ARHGAP20: variants seen among roughly 807,000 people sequenced by gnomAD.
The protein encoded by ARHGAP20 is Rho GTPase activating protein 20.
ARHGAP20 carries 34 observed loss-of-function variants against 73.7 expected under a neutral mutation model. The observed-to-expected ratio is 0.46, with a 90% CI of 0.35 to 0.61. The LOEUF (loss-of-function observed/expected upper bound fraction) is 0.61, where lower values mean the gene tolerates loss of function less well. ARHGAP20 is among the 20% of genes least tolerant of loss of function. The pLI is 0.00. For missense variants in ARHGAP20, 1,314 were observed against 1,420.9 expected, an observed-to-expected ratio of 0.92 and a Z score of 1.21; for synonymous variants, 523 against 518.2, an observed-to-expected ratio of 1.01 and a Z score of -0.13.
intron 2 of ARHGAP20, among the ~76,000 whole-genome samples, chr11:110,648,728 C>A (rs1429617005): frequency 6.6e-6 from 1 of 152,074 alleles, no homozygotes; most frequent in Non-Finnish European, 1.5e-5. Flanking sequence ...AGAGATCCAC[C>A]TGCCTAGGCC....
chr11:110,601,953 C>T (rs1467373603), intron 9 of ARHGAP20, among the ~76,000 whole-genome samples: 1 of 151,058 alleles, frequency 6.6e-6, no homozygotes, highest in African/African-American at 2.4e-5. Context: ...TGTACTCCAG[C>T]CTGGGCGATA....
chr11:110,578,499 T>C lies in ARHGAP20; in HGVS notation c.*871A>G, dbSNP rs1296938361. On this transcript the variant is annotated 3_prime_UTR_variant, in exon 15 of 15. Coordinates refer to ENST00000683387, the MANE Select transcript of ARHGAP20 (RefSeq NM_001384657.1). ...CATTTGTGTAATTGAGAAAGGACAG[T>C]TGTTGTGGTCTTTTCCTCCATATTG... 2.0e-6 allele frequency: 2 copies of C among 985,314 alleles called. No homozygotes were observed. The highest frequency in any genetic ancestry group is 2.4e-6 in the Non-Finnish European group (2 of 829,938). The allele number at this position is 985,314 out of a possible 1,614,324, so 61.0% of individuals were successfully genotyped here.
At chr11:110,594,144 C>A (rs535580349) in intron 9 of ARHGAP20, among the ~76,000 whole-genome samples, 1 of 152,244 alleles carries the variant, frequency 6.6e-6, no homozygotes, top group South Asian at 2.1e-4. Context: ...ATTTAAAAAG[C>A]CAAGTTGTGG....
At chr11:110,664,727 C>CAA (rs34643863) in intron 2 of ARHGAP20, among the ~76,000 whole-genome samples, 30 of 88,222 alleles carry the variant, frequency 3.4e-4, no homozygotes, top group South Asian at 7.2e-4. Context: ...GACTCCGTCT[C>CAA]AAAAAAAAAA....
At chr11:110,712,088 C>A (rs755206335) in intron 1 of ARHGAP20, 39 bp downstream of exon 1, 18 of 1,264,722 alleles carry the variant, frequency 1.4e-5, no homozygotes, top group Non-Finnish European at 1.7e-5. Context: ...GTGGGGGCTG[C>A]GGCGGCGGAG....
At chr11:110,667,574 C>G (rs1200578306) in intron 2 of ARHGAP20, among the ~76,000 whole-genome samples, 1 of 152,140 alleles carries the variant, frequency 6.6e-6, no homozygotes, top group Non-Finnish European at 1.5e-5. Context: ...AAAATATCCA[C>G]TCTGGCAGTG....
At position 110,620,459 on chromosome 11, in the gene ARHGAP20, A is replaced by G. The variant is rs1048098241; in HGVS notation, c.503+3703T>C. On this transcript the variant is annotated intron_variant, in intron 4 of 14. Transcript: ENST00000683387. ...AGTCACTGTGTCTGGCTACATTTACAAAAAATAGTTATTATAGTAACTGGA... is the reference window on the plus strand; with the variant it reads ...AGTCACTGTGTCTGGCTACATTTACGAAAAATAGTTATTATAGTAACTGGA... Among the ~76,000 whole-genome samples the G allele has an allele frequency of 4.6e-5, 7 of 152,138 alleles. No homozygotes were observed. The East Asian group carries it at 1.3e-3, about 29-fold the overall frequency.
At chr11:110,708,413 A>C (rs1950587750) in intron 1 of ARHGAP20, among the ~76,000 whole-genome samples, 1 of 151,726 alleles carries the variant, frequency 6.6e-6, no homozygotes, top group South Asian at 2.1e-4. Flanking sequence ...CCCCAAAATG[A>C]AGTCCATGCA....
intron 2 of ARHGAP20, among the ~76,000 whole-genome samples, chr11:110,687,271 T>C (rs1299617483): frequency 6.6e-6 from 1 of 151,884 alleles, no homozygotes; most frequent in Non-Finnish European, 1.5e-5. Context: ...CTTGCTATGT[T>C]GCTCAGGCTC....
chr11:110,687,038 A>ATATATATATATGTTT, intron 2 of ARHGAP20, among the ~76,000 whole-genome samples: 1 of 113,688 alleles, frequency 8.8e-6, no homozygotes, highest in South Asian at 3.0e-4. Context: ...ATTAAAACAT[A>ATATATATATATGTTT]TATATATATA....
intron 1 of ARHGAP20, chr11:110,711,644 G>A (rs1353924995): frequency 3.4e-6 from 5 of 1,477,468 alleles, no homozygotes; most frequent in East Asian, 2.8e-5. Flanking sequence ...CAGCGCCGCA[G>A]CCCCGCTGCC....
chr11:110,672,075 T>A (rs1949839572), intron 2 of ARHGAP20, among the ~76,000 whole-genome samples: 1 of 152,148 alleles, frequency 6.6e-6, no homozygotes. Context: ...GAACACAGGA[T>A]AACATCTTTG....
chr11:110,697,254 T>A (rs569655162), intron 1 of ARHGAP20, among the ~76,000 whole-genome samples: 1 of 151,844 alleles, frequency 6.6e-6, no homozygotes, highest in African/African-American at 2.4e-5. Flanking sequence ...CAACTTTTTT[T>A]TTGACTTTTT....
At chr11:110,685,892 C>T (rs1176360517) in intron 2 of ARHGAP20, among the ~76,000 whole-genome samples, 2 of 152,094 alleles carry the variant, frequency 1.3e-5, no homozygotes, top group South Asian at 2.1e-4. Context: ...GTCTAGTTCT[C>T]ATGTTACATT....
At chr11:110,623,807 G>A (rs1948678916) in intron 4 of ARHGAP20, among the ~76,000 whole-genome samples, 1 of 152,084 alleles carries the variant, frequency 6.6e-6, no homozygotes, top group South Asian at 2.1e-4. Context: ...CTAAAGATGG[G>A]ACTACTCTAT....
At position 110,578,758 on chromosome 11, in the gene ARHGAP20, T is replaced by C. The variant is rs1591287071; in HGVS notation, c.*612A>G. Reference sequence around the variant, plus strand: ...ATGGTACCCATGGCTTTTGAGTCACTCTGTTTTTCTCCACTCTAGCTGTAG... The same window carrying C: ...ATGGTACCCATGGCTTTTGAGTCACCCTGTTTTTCTCCACTCTAGCTGTAG... On this transcript the variant is annotated 3_prime_UTR_variant, in exon 15 of 15. Transcript: ENST00000683387. 3.0e-6 allele frequency: 3 copies of C among 985,302 alleles called. No individual in the cohort carries two copies. The African/African-American group carries it at 5.2e-5, about 17-fold the overall frequency. 61.0% of individuals were successfully genotyped at this position (985,302 alleles called of 1,614,324 possible). A position where few individuals can be genotyped will look rare whatever the true frequency, so the allele number is the denominator to read the frequency against.
At chr11:110,583,958 T>A (rs1370758735) in intron 12 of ARHGAP20, among the ~76,000 whole-genome samples, 2 of 152,040 alleles carry the variant, frequency 1.3e-5, no homozygotes, top group East Asian at 1.9e-4. Flanking sequence ...TGTCTTCACA[T>A]CTCAAAGAAA....
At chr11:110,672,407 AT>A (rs1205504778) in intron 2 of ARHGAP20, among the ~76,000 whole-genome samples, 1 of 152,162 alleles carries the variant, frequency 6.6e-6, no homozygotes, top group Non-Finnish European at 1.5e-5. Flanking sequence ...GCACAATATT[AT>A]TTGTCTTCAA....
At chr11:110,614,517 A>AT (rs1948440854) in intron 6 of ARHGAP20, 44 bp downstream of exon 6, 7 of 1,532,818 alleles carry the variant, frequency 4.6e-6, no homozygotes, top group Non-Finnish European at 6.3e-6. Flanking sequence ...GTTCTGTCTT[A>AT]TGCAGGGACT....
Sources: allele counts gnomAD v4.1 joint callset (sites outside exome capture counted in the v4.1 genomes callset), GRCh38; gene constraint gnomAD v4.1.1; transcripts MANE v1.5; gene names NCBI Gene and HGNC (gene_info 2026-07-23, HGNC 2026-07-21).